The following ANAPC2 variants were observed in gnomAD, a reference collection of about 807,000 sequenced individuals.
ANAPC2 encodes the protein anaphase promoting complex subunit 2.
A neutral mutation model predicts 84.3 loss-of-function variants in ANAPC2; 29 were observed. The observed-to-expected ratio is 0.34, with a 90% CI of 0.26 to 0.47. The LOEUF is 0.47. ANAPC2 is among the 20% of genes least tolerant of loss of function. The pLI is 1.00. For missense variants in ANAPC2, 857 were observed against 1,131.7 expected, an observed-to-expected ratio of 0.76 and a Z score of 3.48; for synonymous variants, 571 against 479.4, an observed-to-expected ratio of 1.19 and a Z score of -2.50.
intron 5 of ANAPC2, 68 bp from the exon 6 acceptor site, chr9:137,183,310 G>A (rs760858487): frequency 4.6e-5 from 61 of 1,321,196 alleles, no homozygotes; most frequent in Middle Eastern, 1.9e-4. Context: ...GGCAACACCC[G>A]AGTAGACAGC....
At chr9:137,178,999 G>A (rs1220818878) in intron 10 of ANAPC2, among the ~76,000 whole-genome samples, 3 of 152,200 alleles carry the variant, frequency 2.0e-5, no homozygotes, top group African/African-American at 7.2e-5. Context: ...AAAGAAAAAG[G>A]AAAACACATC....
Position 137,183,867 on chromosome 9 carries a change from G to A in ANAPC2, c.1049-76C>T, listed in dbSNP as rs898772898. ...TGCAGGCTGGTGCAGAGTGTGTGCG[G>A]TGTGGGAAAGGACACGTGCTTGCCA... On this transcript the variant is annotated intron_variant, in intron 4 of 12. Coordinates refer to ENST00000323927, the MANE Select transcript of ANAPC2 (RefSeq NM_013366.4). The A allele has an allele frequency of 7.0e-6, 11 of 1,567,248 alleles. No homozygotes were observed. The Admixed American group carries it at 1.0e-4, about 15-fold the overall frequency.
Position 137,175,512 on chromosome 9 carries a change from C to T in ANAPC2, c.2021-40G>A, listed in dbSNP as rs369150770. The T allele has an allele frequency of 2.9e-4, 436 of 1,512,024 alleles. No homozygotes were observed. In the African/African-American group the frequency reaches 3.5e-3, roughly 12 times the overall value. The allele number at this position is 1,512,024 out of a possible 1,614,324, so 93.7% of individuals were successfully genotyped here. A position where few individuals can be genotyped will look rare whatever the true frequency, so the allele number is the denominator to read the frequency against. On this transcript the variant is annotated intron_variant, in intron 11 of 12. Coordinates refer to ENST00000323927, the MANE Select transcript of ANAPC2 (RefSeq NM_013366.4). ...ACCGGGACGCTGGGCAGCCTGGGCA[C>T]GGGCTGCACCTCCCCTGCCTCCCGT...
chr9:137,182,246 C>T (rs2131336785), intron 6 of ANAPC2, among the ~76,000 whole-genome samples: 1 of 152,322 alleles, frequency 6.6e-6, no homozygotes, highest in African/African-American at 2.4e-5. Context: ...GGCACGGTGG[C>T]TCACGCCTGT....
Position 137,183,242 on chromosome 9 carries a change from C to T in ANAPC2, c.1169G>A (p.Gly390Asp). 1 of 1,611,866 alleles carries T rather than the reference C, an allele frequency of 6.2e-7. No homozygotes were observed. Among genetic ancestry groups the T allele is most frequent in the Non-Finnish European group, 8.5e-7 (1 of 1,178,960 alleles). ...GGTGATGATGTCACACGTGTTGACG[C>T]CTACAGCCAGGGCAGAAGCCAGCAG... ...AALETRLLHPGVNTCDIITLY... is the reference protein window; with the variant it reads ...AALETRLLHPDVNTCDIITLY... Residue 390 changes from glycine to aspartate, a missense_variant and splice_region_variant, in exon 6 of 13, where the codon GGC becomes GAC. Around this residue, in one of 3 missense-constraint regions of ANAPC2, gnomAD observed 4 missense variants for 22.3 expected, o/e 0.18. Coordinates refer to ENST00000323927, the MANE Select transcript of ANAPC2 (RefSeq NM_013366.4).
rs772340832 is a variant in ANAPC2 at position 137,188,553 on chromosome 9, A to T, written c.-21T>A. The stretch of plus-strand genomic sequence containing the variant: ...GCCATCTGCACCCACCGACTCCGAG[A>T]TTCGCTCGGCGCGGCGCGCGGCGAT... On this transcript the variant is annotated 5_prime_UTR_variant, in exon 1 of 13. Coordinates refer to ENST00000323927, the MANE Select transcript of ANAPC2 (RefSeq NM_013366.4). 10 of 1,597,022 alleles carry T rather than the reference A, an allele frequency of 6.3e-6. No individual in the cohort carries two copies. The highest frequency in any genetic ancestry group is 6.8e-6 in the Non-Finnish European group (8 of 1,174,922).
Position 137,180,546 on chromosome 9 carries a change from G to T in ANAPC2, c.1611-19C>A, listed in dbSNP as rs749158011. ...GATCTCCCTGGAAAGACGAGTGTCT[G>T]GGCAGGGGGTCGTGATGAGCCCCAG... is the stretch of plus-strand genomic sequence containing the variant. On this transcript the variant is annotated intron_variant, in intron 8 of 12. Coordinates refer to ENST00000323927, the MANE Select transcript of ANAPC2 (RefSeq NM_013366.4). The T allele has an allele frequency of 1.9e-6, 3 of 1,612,788 alleles. No homozygotes were observed. In the South Asian group the frequency reaches 3.3e-5, roughly 18 times the overall value.
rs777092143 is a variant in ANAPC2 at position 137,183,252 on chromosome 9, G to A, written c.1169-10C>T. ...TCACACGTGTTGACGCCTACAGCCAGGGCAGAAGCCAGCAGTCATGCAGTG... is the reference window on the plus strand; with the variant it reads ...TCACACGTGTTGACGCCTACAGCCAAGGCAGAAGCCAGCAGTCATGCAGTG... On this transcript the variant is annotated splice_polypyrimidine_tract_variant and intron_variant, in intron 5 of 12. Coordinates refer to ENST00000323927, the MANE Select transcript of ANAPC2 (RefSeq NM_013366.4). 1.2e-6 allele frequency: 2 copies of A among 1,608,510 alleles called. No homozygotes were observed. The highest frequency in any genetic ancestry group is 1.7e-4 in the Middle Eastern group (1 of 6,046).
At chr9:137,186,476 ACC>A in intron 2 of ANAPC2, 120 bp from the exon 3 acceptor site, 2 of 1,308,618 alleles carry the variant, frequency 1.5e-6, no homozygotes, top group South Asian at 1.5e-5. Context: ...ACACACACAC[ACC>A]CAGCACACAC....
chr9:137,175,295 T>A lies in ANAPC2; in HGVS notation c.2198A>T (p.Asp733Val). The A allele has an allele frequency of 6.2e-7, 1 of 1,612,680 alleles. No individual in the cohort carries two copies. The highest frequency in any genetic ancestry group is 1.1e-5 in the South Asian group (1 of 91,086). Residue 733 changes from aspartate (D) to valine (V), a missense_variant, in exon 12 of 13, where the codon GAC (aspartate) becomes GTC (valine). This residue lies in a region of ANAPC2 where 425 missense variants were observed against 595.5 expected (regional missense o/e 0.71). Transcript: ENST00000323927. ...GGCCATGCCGGAGTCGCTCTCGTCG[T>A]CACTGTCAATGAGCACCATGTTGTC... ...DRDNMVLIDS[D>V]DESDSGMASQ... is the part of the protein sequence containing the mutation.
At position 137,181,831 on chromosome 9, in the gene ANAPC2, C is replaced by T. The variant is rs1285680136; in HGVS notation, c.1318G>A (p.Ala440Thr). Residue 440 changes from alanine to threonine, a missense_variant, in exon 7 of 13, where the codon GCT becomes ACT. This residue lies in a region of ANAPC2 where 425 missense variants were observed against 595.5 expected (regional missense o/e 0.71). Transcript: ENST00000323927. The part of the protein sequence containing the change: ...TREDTVRQIV[A>T]GLTGDSDGTG... ...CCGTCCGAGTCCCCCGTCAGCCCAG[C>T]CACAATCTGCCGCACTGTGTCCTCC... is the stretch of plus-strand genomic sequence containing the variant. 6.2e-7 allele frequency: 1 copy of T among 1,608,224 alleles called. No homozygotes were observed. Among genetic ancestry groups the T allele is most frequent in the Non-Finnish European group, 8.5e-7 (1 of 1,179,862 alleles).
rs1834514113 is a variant in ANAPC2, at chr9:137,187,948, G to C, written c.273C>G (p.Phe91Leu). ...TCTCGCATTGGGAGATGGCATTCCA[G>C]AACTCAGGGGAGATGTTGGCCTGCA... is the stretch of plus-strand genomic sequence containing the variant. ...NDLQANISPE[F>L]WNAISQCENS... Residue 91 changes from phenylalanine to leucine, a missense_variant, in exon 2 of 13, where the codon TTC (phenylalanine) becomes TTG (leucine). Coordinates refer to ENST00000323927, the MANE Select transcript of ANAPC2 (RefSeq NM_013366.4). 3.7e-6 allele frequency: 6 copies of C among 1,613,886 alleles called. No individual in the cohort carries two copies. Among genetic ancestry groups the C allele is most frequent in the Non-Finnish European group, 3.4e-6 (4 of 1,180,032 alleles).
Position 137,188,300 on chromosome 9 carries a change from G to A in ANAPC2, c.117+116C>T, listed in dbSNP as rs1834524021. 3.0e-6 allele frequency: 4 copies of A among 1,326,248 alleles called. No individual in the cohort carries two copies. The South Asian group carries it at 4.1e-5, about 14-fold the overall frequency. The allele number at this position is 1,326,248 out of a possible 1,614,324, so 82.2% of individuals were successfully genotyped here. ...AACGGAAAGGTGGTGGAAAATGGCA[G>A]GACAGGACAGAGGCGGATGATGGAC... is the stretch of plus-strand genomic sequence containing the variant. On this transcript the variant is annotated intron_variant, in intron 1 of 12. Coordinates refer to ENST00000323927, the MANE Select transcript of ANAPC2 (RefSeq NM_013366.4).
At chr9:137,181,978 C>T (rs1834353038) in intron 6 of ANAPC2, 116 bp from the exon 7 acceptor site, 1 of 1,135,954 alleles carries the variant, frequency 8.8e-7, no homozygotes, top group African/African-American at 1.6e-5. Flanking sequence ...CCTCTACACT[C>T]AGTGGTGATG....
At position 137,175,771 on chromosome 9, in the gene ANAPC2, G is replaced by A. The variant is rs759968483; in HGVS notation, c.1957C>T (p.Arg653Cys). Residue 653 changes from arginine (R) to cysteine (C), a missense_variant, in exon 11 of 13, where the codon CGC (arginine) becomes TGC (cysteine). This residue lies in a region of ANAPC2 where 425 missense variants were observed against 595.5 expected (regional missense o/e 0.71). Transcript: ENST00000323927. ...GGGGTGACCGCCACAGACAGCGTGC[G>A]GTCGGCCAGCTCCACGTCCATGGTC... ...LVTMDVELAD[R>C]TLSVAVTPVQ... The A allele has an allele frequency of 3.1e-6, 5 of 1,611,504 alleles. No homozygotes were observed. The highest frequency in any genetic ancestry group is 1.3e-5 in the African/African-American group (1 of 75,030).
intron 10 of ANAPC2, among the ~76,000 whole-genome samples, chr9:137,179,232 G>T (rs1834286830): frequency 6.6e-6 from 1 of 152,096 alleles, no homozygotes; most frequent in Non-Finnish European, 1.5e-5. Context: ...CCGCTGGGGT[G>T]CCCGCCTCCC....
chr9:137,176,720 G>A (rs1372638191), intron 10 of ANAPC2: 1 of 152,298 alleles, frequency 6.6e-6, no homozygotes, highest in East Asian at 1.9e-4. Context: ...AGATGGAAAT[G>A]ACCGTGCTAC....
intron 2 of ANAPC2, chr9:137,187,174 C>A: frequency 5.2e-6 from 2 of 382,544 alleles, no homozygotes; most frequent in Admixed American, 4.1e-5. Context: ...CCAGGATCGA[C>A]AAAAGGCACA....
At chr9:137,182,827 G>A (rs933074323) in intron 6 of ANAPC2, among the ~76,000 whole-genome samples, 8 of 152,212 alleles carry the variant, frequency 5.3e-5, no homozygotes, top group African/African-American at 1.7e-4. Context: ...GCACCAAGGC[G>A]AGGCCAAGTG....
Sources: gnomAD v4.1 joint callset for allele counts (sites outside exome capture counted in the v4.1 genomes callset) on GRCh38, gnomAD v4.1.1 for gene constraint, gnomAD v4.1.1 regional missense constraint, MANE v1.5 for transcripts, NCBI Gene and HGNC (gene_info 2026-07-23, HGNC 2026-07-21) for gene names.